The following ARHGAP39 variants were observed in gnomAD, a reference collection of about 807,000 sequenced individuals.
ARHGAP39 encodes the protein Rho GTPase activating protein 39.
ARHGAP39 carries 44 observed loss-of-function variants against 106.9 expected under a neutral mutation model. The observed-to-expected ratio is 0.41, with a 90% CI of 0.32 to 0.53. The LOEUF (loss-of-function observed/expected upper bound fraction) is 0.53. Among genes scored for constraint, ARHGAP39 ranks in the 20% least tolerant of loss-of-function variants. ARHGAP39 has a pLI of 0.21. For synonymous variants in ARHGAP39, 768 were observed against 693.2 expected (o/e 1.11, Z -1.69); for missense variants, 1,496 against 1,577.3 (o/e 0.95, Z 0.87).
intron 1 of ARHGAP39, among the ~76,000 whole-genome samples, chr8:144,665,635 C>T (rs1305387192): frequency 6.6e-6 from 1 of 152,228 alleles, no homozygotes; most frequent in Non-Finnish European, 1.5e-5. Flanking sequence ...CAGGCTGCGG[C>T]TTCAGAGGGT....
intron 6 of ARHGAP39, among the ~76,000 whole-genome samples, chr8:144,541,631 C>CAA (rs1422673381): frequency 6.6e-6 from 1 of 152,246 alleles, no homozygotes; most frequent in Non-Finnish European, 1.5e-5. Context: ...TCTATCCTGA[C>CAA]TGGCTTCTTG....
intron 7 of ARHGAP39, 74 bp from the exon 8 acceptor site, chr8:144,534,276 C>T: frequency 6.4e-7 from 1 of 1,558,540 alleles, no homozygotes. Context: ...TGAGCAGACA[C>T]AGCTCCTTCG....
chr8:144,669,874 T>C (rs1447372900), intron 1 of ARHGAP39, among the ~76,000 whole-genome samples: 1 of 152,192 alleles, frequency 6.6e-6, no homozygotes, highest in African/African-American at 2.4e-5. Flanking sequence ...ATCACAAGTA[T>C]TGTCAAGGAT....
At chr8:144,674,117 T>C (rs907805270) in intron 1 of ARHGAP39, among the ~76,000 whole-genome samples, 1 of 146,556 alleles carries the variant, frequency 6.8e-6, no homozygotes, top group African/African-American at 2.5e-5. Flanking sequence ...ACCTGCAACG[T>C]GGTGAGTGGT....
At chr8:144,601,224 A>G (rs376221557) in intron 2 of ARHGAP39, among the ~76,000 whole-genome samples, 2,952 of 87,788 alleles carry the variant, frequency 0.034, 45 homozygotes, top group Admixed American at 0.081. Context: ...GTGCGTGTGC[A>G]AGCTCATGTA....
At chr8:144,698,930 T>C in the ARHGAP39 span, 1 of 453,758 alleles carries the variant, frequency 2.2e-6, no homozygotes, top group African/African-American at 2.0e-5. Flanking sequence ...ACATGGAGTG[T>C]TCACACCATC....
intron 3 of ARHGAP39, among the ~76,000 whole-genome samples, chr8:144,580,153 G>T (rs914792183): frequency 1.3e-5 from 2 of 152,100 alleles, no homozygotes; most frequent in African/African-American, 4.8e-5. Flanking sequence ...TCTGAGGGCA[G>T]GGGTCTCCTG....
intron 1 of ARHGAP39, among the ~76,000 whole-genome samples, chr8:144,666,505 A>AG (rs1056346810): frequency 1.3e-5 from 2 of 152,190 alleles, no homozygotes; most frequent in Non-Finnish European, 2.9e-5. Flanking sequence ...GGAGGGACCC[A>AG]GGGGGAGGTA....
intron 1 of ARHGAP39, among the ~76,000 whole-genome samples, chr8:144,642,084 TC>T (rs1410912049): frequency 6.6e-6 from 1 of 152,246 alleles, no homozygotes; most frequent in Non-Finnish European, 1.5e-5. Context: ...ACACCTCTGA[TC>T]TCAGCACTTT....
rs1381863991 is a variant in ARHGAP39, at chr8:144,529,757, A to C, written c.*665T>G. 6.6e-6 allele frequency: 1 copy of C among 152,202 alleles called. No individual in the cohort carries two copies. The highest frequency in any genetic ancestry group is 2.4e-5 in the African/African-American group (1 of 41,400). The allele number at this position is 152,202 out of a possible 1,614,324, so 9.4% of individuals were successfully genotyped here. On this transcript the variant is annotated 3_prime_UTR_variant, in exon 12 of 12. Transcript: ENST00000377307. ...AGATTCTGGATTTACAGTTACACGA[A>C]GAAAAAAATACTCTCGCCCCTCCCC...
At chr8:144,627,454 C>T (rs1820951358) in intron 1 of ARHGAP39, among the ~76,000 whole-genome samples, 1 of 149,982 alleles carries the variant, frequency 6.7e-6, no homozygotes, top group Non-Finnish European at 1.5e-5. Flanking sequence ...ACTCAGGAGG[C>T]TGAGGCAGGA....
chr8:144,667,000 C>T lies in ARHGAP39; in HGVS notation c.-82+18686G>A, dbSNP rs115548520. Among the ~76,000 whole-genome samples the T allele has an allele frequency of 4.3e-3, 660 of 152,334 alleles. 7 individuals carry two copies. Among genetic ancestry groups the T allele is most frequent in the African/African-American group, 0.015 (614 of 41,578 alleles). Reference sequence around the variant, plus strand: ...CTCAAAAAATGGTAGAACCTTTGCACGCAAGGCCAAGTTTCTGCTACAGAT... The same window carrying T: ...CTCAAAAAATGGTAGAACCTTTGCATGCAAGGCCAAGTTTCTGCTACAGAT... On this transcript the variant is annotated intron_variant, in intron 1 of 11. Coordinates refer to ENST00000377307, the MANE Select transcript of ARHGAP39 (RefSeq NM_025251.3).
upstream of ARHGAP39, among the ~76,000 whole-genome samples, chr8:144,690,037 G>A (rs571112380): frequency 4.6e-5 from 7 of 151,928 alleles, no homozygotes; most frequent in East Asian, 1.4e-3. Context: ...GTGAGCCACC[G>A]CACCAGGCCT....
In ARHGAP39 at chr8:144,670,442, T is replaced by TA. The variant is rs1434258766; in HGVS notation, c.-82+15243dup. ...AGCCTCAGCCCCACTGTCATTCACC[T>TA]AAACCACAGGTGGCTCAACCATTTC... On this transcript the variant is annotated intron_variant, in intron 1 of 11. Transcript: ENST00000377307. This position sits in a 1 kb window ranked among gnomAD's most constrained non-coding sequence, Gnocchi z 4.4. Among the ~76,000 whole-genome samples the TA allele has an allele frequency of 6.6e-6, 1 of 152,170 alleles. No individual in the cohort carries two copies. The highest frequency in any genetic ancestry group is 2.4e-5 in the African/African-American group (1 of 41,436).
chr8:144,601,819 G>A lies in ARHGAP39; in HGVS notation c.80+3716C>T, dbSNP rs1288398460. 2.1e-5 allele frequency among the ~76,000 whole-genome samples: 3 copies of A among 143,966 alleles called. No individual in the cohort carries two copies. In the Admixed American group the frequency reaches 2.1e-4, roughly 10 times the overall value. 94.4% of individuals were successfully genotyped at this position (143,966 alleles called of 152,430 possible). A position where few individuals can be genotyped will look rare whatever the true frequency, so the allele number is the denominator to read the frequency against. On this transcript the variant is annotated intron_variant, in intron 2 of 11. Coordinates refer to ENST00000377307, the MANE Select transcript of ARHGAP39 (RefSeq NM_025251.3). The stretch of plus-strand genomic sequence containing the variant: ...AATGTACCTGTGTGTGTGTGTGGAG[G>A]CGTGTGTGCTCGTGTACCTGTGTGC...
intron 2 of ARHGAP39, among the ~76,000 whole-genome samples, chr8:144,593,728 A>G (rs1819492129): frequency 6.6e-6 from 1 of 152,150 alleles, no homozygotes; most frequent in Non-Finnish European, 1.5e-5. Flanking sequence ...TGGGAGGTGG[A>G]GACTGCAGTG....
At chr8:144,642,148 A>G (rs945809916) in intron 1 of ARHGAP39, among the ~76,000 whole-genome samples, 1 of 152,226 alleles carries the variant, frequency 6.6e-6, no homozygotes, top group Admixed American at 6.5e-5. Context: ...GACCAGCCTC[A>G]GCAACATGAG....
At chr8:144,660,372 T>C (rs1377025446) in intron 1 of ARHGAP39, among the ~76,000 whole-genome samples, 4 of 151,980 alleles carry the variant, frequency 2.6e-5, no homozygotes, top group Non-Finnish European at 5.9e-5. Flanking sequence ...TTAAAGAATC[T>C]CCAAAAAAGC....
At chr8:144,602,555 TGC>T (rs1218185105) in intron 2 of ARHGAP39, among the ~76,000 whole-genome samples, 1 of 130,822 alleles carries the variant, frequency 7.6e-6, no homozygotes, top group Non-Finnish European at 1.6e-5. Context: ...CATGGAGGCG[TGC>T]GTGCGAGCTC....
Sources: gnomAD v4.1 joint callset for allele counts (sites outside exome capture counted in the v4.1 genomes callset) on GRCh38, gnomAD v4.1.1 for gene constraint, Gnocchi (gnomAD v3.1) non-coding constraint, MANE v1.5 for transcripts, NCBI Gene and HGNC (gene_info 2026-07-23, HGNC 2026-07-21) for gene names.